The following SIK2 variants were observed in gnomAD, a reference collection of about 807,000 sequenced individuals.
SIK2 encodes the protein serine/threonine-protein kinase SIK2.
In SIK2, 29 loss-of-function variants were observed where a neutral mutation model predicts 103.2. That is an observed-to-expected ratio of 0.28 (90% CI 0.21 to 0.38). The LOEUF (loss-of-function observed/expected upper bound fraction) is 0.38. Ranked by LOEUF, SIK2 falls within the 10% of genes least tolerant of loss-of-function variation. The probability of loss-of-function intolerance (pLI) is 1.00; values close to 1 mark genes in which losing one functional copy is unlikely to be tolerated. For synonymous variants in SIK2, 412 were observed against 446.1 expected, an observed-to-expected ratio of 0.92 and a Z score of 0.96; for missense variants, 879 against 1,171.0, an observed-to-expected ratio of 0.75 and a Z score of 3.64.
intron 3 of SIK2, among the ~76,000 whole-genome samples, chr11:111,648,897 T>G (rs918853068): frequency 6.6e-6 from 1 of 152,168 alleles, no homozygotes; most frequent in Non-Finnish European, 1.5e-5. Context: ...TGTTAGCATG[T>G]AGATCTTTTG....
At chr11:111,629,490 A>G (rs1364039772) in intron 3 of SIK2, among the ~76,000 whole-genome samples, 1 of 152,234 alleles carries the variant, frequency 6.6e-6, no homozygotes, top group Non-Finnish European at 1.5e-5. Flanking sequence ...AGTAGTGCCT[A>G]AGTCTGTTTT....
intron 7 of SIK2, 74 bp from the exon 8 acceptor site, chr11:111,704,908 CTCTTT>C: frequency 4.9e-6 from 7 of 1,417,810 alleles, no homozygotes; most frequent in Non-Finnish European, 6.6e-6. Context: ...AATTTCTTTC[CTCTTT>C]TTTTTTAGGC....
intron 3 of SIK2, among the ~76,000 whole-genome samples, chr11:111,634,045 A>G (rs1474884039): frequency 1.3e-5 from 2 of 152,156 alleles, no homozygotes; most frequent in African/African-American, 4.8e-5. Context: ...TCGTCAGACA[A>G]TTTGGGCGCT....
intron 3 of SIK2, among the ~76,000 whole-genome samples, chr11:111,644,392 A>T (rs183112370): frequency 1.6e-4 from 24 of 150,096 alleles, no homozygotes; most frequent in Non-Finnish European, 1.3e-4. Context: ...TTTTACATTT[A>T]AAAAAAAAGG....
chr11:111,630,451 C>T, intron 3 of SIK2, among the ~76,000 whole-genome samples: 1 of 151,996 alleles, frequency 6.6e-6, no homozygotes, highest in East Asian at 1.9e-4. Flanking sequence ...TAAGAGTTTG[C>T]ATCTTATTGT....
intron 1 of SIK2, among the ~76,000 whole-genome samples, chr11:111,603,943 T>C (rs1414297360): frequency 6.6e-6 from 1 of 152,234 alleles, no homozygotes; most frequent in African/African-American, 2.4e-5. Context: ...GCAGTTGTAC[T>C]TAGAAGTTTT....
chr11:111,657,867 T>C (rs1942413175), intron 3 of SIK2, among the ~76,000 whole-genome samples: 1 of 151,624 alleles, frequency 6.6e-6, no homozygotes, highest in Non-Finnish European at 1.5e-5. Context: ...GAAAGGTAGA[T>C]AGGAGGAGGA....
Position 111,620,369 on chromosome 11 carries a change from G to A in SIK2, c.283G>A (p.Val95Met). 6.3e-7 allele frequency: 1 copy of A among 1,592,968 alleles called. No homozygotes were observed. Among genetic ancestry groups the A allele is most frequent in the Non-Finnish European group, 8.5e-7 (1 of 1,171,742 alleles). Residue 95 changes from valine (V) to methionine (M), a missense_variant, in exon 3 of 15, where the codon GTG becomes ATG. Val to Met is a conservative substitution (Grantham distance 21). Coordinates refer to ENST00000304987, the MANE Select transcript of SIK2 (RefSeq NM_015191.3). Reference protein sequence around the residue: ...VMETKSMLYLVTEYAKNGEIF... With the variant: ...VMETKSMLYLMTEYAKNGEIF... Reference sequence around the variant, plus strand: ...GGAGACCAAAAGTATGTTGTACCTTGTGACAGAATATGCCAAAAATGGAGA... The same window carrying A: ...GGAGACCAAAAGTATGTTGTACCTTATGACAGAATATGCCAAAAATGGAGA...
chr11:111,666,451 A>G (rs1942543354), intron 3 of SIK2, among the ~76,000 whole-genome samples: 1 of 152,192 alleles, frequency 6.6e-6, no homozygotes, highest in Admixed American at 6.5e-5. Context: ...AAGATACTGT[A>G]TGTTATACAG....
intron 3 of SIK2, among the ~76,000 whole-genome samples, chr11:111,682,693 ACTATT>A (rs1242058499): frequency 6.6e-6 from 1 of 152,264 alleles, no homozygotes; most frequent in Admixed American, 6.5e-5. Flanking sequence ...GATTCATTAT[ACTATT>A]TAATATGATT....
Position 111,688,108 on chromosome 11 carries a change from G to T in SIK2, c.424G>T (p.Asp142Tyr). Residue 142 changes from aspartate to tyrosine, a missense_variant, in exon 4 of 15, where the codon GAC becomes TAC. By Grantham distance (160) the Asp-to-Tyr change is radical (BLOSUM62 -3). Around this residue, in one of 7 missense-constraint regions of SIK2, gnomAD observed 126 missense variants for 245.5 expected, o/e 0.51. Coordinates refer to ENST00000304987, the MANE Select transcript of SIK2 (RefSeq NM_015191.3). This position sits in a 1 kb window ranked among gnomAD's most constrained non-coding sequence, Gnocchi z 4.2. Reference protein sequence around the residue: ...YCHGRKIVHRDLKAENLLLDN... With the variant: ...YCHGRKIVHRYLKAENLLLDN... ...TCATGGTCGGAAGATTGTGCACCGTGACCTCAAAGCTGAAAATCTCCTGCT... is the reference window on the plus strand; with the variant it reads ...TCATGGTCGGAAGATTGTGCACCGTTACCTCAAAGCTGAAAATCTCCTGCT... 6.2e-7 allele frequency: 1 copy of T among 1,614,044 alleles called. No homozygotes were observed. Among genetic ancestry groups the T allele is most frequent in the Non-Finnish European group, 8.5e-7 (1 of 1,180,014 alleles).
intron 6 of SIK2, among the ~76,000 whole-genome samples, chr11:111,702,669 C>CGTGTG (rs1943243843): frequency 2.6e-5 from 4 of 152,138 alleles, no homozygotes; most frequent in Non-Finnish European, 5.9e-5. Flanking sequence ...TGAAGAGCAT[C>CGTGTG]ATGTCAGCTC....
intron 3 of SIK2, among the ~76,000 whole-genome samples, chr11:111,627,467 A>G (rs1359727204): frequency 1.3e-5 from 2 of 152,192 alleles, no homozygotes; most frequent in African/African-American, 4.8e-5. Flanking sequence ...TATCATAGGT[A>G]TGTTTATCCA....
intron 3 of SIK2, among the ~76,000 whole-genome samples, chr11:111,677,222 T>TA (rs1271659384): frequency 2.6e-5 from 4 of 152,140 alleles, no homozygotes; most frequent in South Asian, 2.1e-4. Flanking sequence ...AATTATTGCC[T>TA]AAAAAAACAG....
In SIK2 at chr11:111,720,990, A is replaced by G; in HGVS notation, c.1872A>G (p.Ile624Met). ...LNKVQLLYEQ[I>M]GPEADPNLAP... ...AAGTGCAGTTGTTGTATGAACAAAT[A>G]GGACCGGAGGCAGACCCTAACCTGG... is the stretch of plus-strand genomic sequence containing the variant. The change falls in exon 12 of 15, where the codon ATA (isoleucine) becomes ATG (methionine). Residue 624 changes from isoleucine (I) to methionine (M), a missense_variant. By Grantham distance (10) the Ile-to-Met change is conservative. Around this residue, in one of 7 missense-constraint regions of SIK2, gnomAD observed 375 missense variants for 416.3 expected, o/e 0.90. Transcript: ENST00000304987. 6.2e-7 allele frequency: 1 copy of G among 1,614,226 alleles called. No homozygotes were observed. Among genetic ancestry groups the G allele is most frequent in the Admixed American group, 1.7e-5 (1 of 60,030 alleles).
At chr11:111,687,233 C>A (rs1221491596) in intron 3 of SIK2, among the ~76,000 whole-genome samples, 1 of 151,962 alleles carries the variant, frequency 6.6e-6, no homozygotes, top group East Asian at 1.9e-4. Flanking sequence ...AATATTTCTT[C>A]AGGCTGGGCA....
chr11:111,678,554 A>G (rs1678940317), intron 3 of SIK2, among the ~76,000 whole-genome samples: 1 of 152,192 alleles, frequency 6.6e-6, no homozygotes, highest in Admixed American at 6.5e-5. Flanking sequence ...AACTGATTTT[A>G]TTCTCATTGA....
chr11:111,710,626 GGAA>G (rs760588916), intron 8 of SIK2, among the ~76,000 whole-genome samples: 14 of 152,304 alleles, frequency 9.2e-5, no homozygotes, highest in Non-Finnish European at 1.9e-4. Flanking sequence ...GAAGGCTTTA[GGAA>G]GAAGGGGAAA....
intron 8 of SIK2, among the ~76,000 whole-genome samples, chr11:111,710,121 TAAG>T (rs1280498739): frequency 2.0e-5 from 3 of 152,226 alleles, no homozygotes; most frequent in Admixed American, 2.0e-4. Flanking sequence ...TTGATGGGGG[TAAG>T]AAGAATGTAG....
Sources: gnomAD v4.1 joint callset for allele counts (sites outside exome capture counted in the v4.1 genomes callset) on GRCh38, gnomAD v4.1.1 for gene constraint, gnomAD v4.1.1 regional missense constraint, Gnocchi (gnomAD v3.1) non-coding constraint, MANE v1.5 for transcripts, NCBI Gene and HGNC (gene_info 2026-07-23, HGNC 2026-07-21) for gene names.